Variants in PLCB1 observed in about 807,000 individuals in gnomAD.
PLCB1 encodes 1-phosphatidylinositol 4,5-bisphosphate phosphodiesterase beta-1.
A neutral mutation model predicts 161.8 loss-of-function variants in PLCB1; 46 were observed. That is an observed-to-expected ratio of 0.28 (90% CI 0.22 to 0.36). PLCB1 has a LOEUF of 0.36. Ranked by LOEUF, PLCB1 falls within the 10% of genes least tolerant of loss-of-function variation. PLCB1 has a pLI of 1.00. For synonymous variants in PLCB1, 517 were observed against 503.7 expected (o/e 1.03, Z -0.35); for missense variants, 1,016 against 1,472.5 (o/e 0.69, Z 5.07).
chr20:8,453,095 A>C (rs1415326498), intron 3 of PLCB1, among the ~76,000 whole-genome samples: 1 of 152,160 alleles, frequency 6.6e-6, no homozygotes, highest in African/African-American at 2.4e-5. Context: ...GTGATAACTC[A>C]ACTTTGGAAT....
chr20:8,803,777 TTTTG>T (rs148420606), intron 31 of PLCB1, among the ~76,000 whole-genome samples: 1,945 of 151,128 alleles, frequency 0.013, 28 homozygotes, highest in African/African-American at 0.041. Flanking sequence ...GTTTTGTGTT[TTTTG>T]TTTGTTTGTT....
chr20:8,561,520 C>T (rs1245339252), intron 3 of PLCB1, among the ~76,000 whole-genome samples: 1 of 151,892 alleles, frequency 6.6e-6, no homozygotes, highest in East Asian at 1.9e-4. Context: ...AGCAGAAGTT[C>T]AAGCGTCTCT....
At chr20:8,261,266 A>C (rs2123242420) in intron 2 of PLCB1, among the ~76,000 whole-genome samples, 1 of 151,974 alleles carries the variant, frequency 6.6e-6, no homozygotes, top group Admixed American at 6.6e-5. Flanking sequence ...CATTAAGAGG[A>C]GAGAGAGAGA....
At chr20:8,507,539 G>A (rs550682235) in intron 3 of PLCB1, among the ~76,000 whole-genome samples, 39 of 152,230 alleles carry the variant, frequency 2.6e-4, no homozygotes, top group African/African-American at 8.4e-4. Flanking sequence ...ATTTTAAGGC[G>A]TATGTTTTCT....
chr20:8,662,216 A>ATTAT (rs1361330534), intron 9 of PLCB1, among the ~76,000 whole-genome samples: 451 of 43,320 alleles, frequency 0.01, 9 homozygotes, highest in Non-Finnish European at 0.013. Context: ...ATTATATATA[A>ATTAT]TTATTATATA....
intron 18 of PLCB1, among the ~76,000 whole-genome samples, chr20:8,730,540 C>T (rs1211700161): frequency 6.6e-6 from 1 of 151,668 alleles, no homozygotes; most frequent in African/African-American, 2.4e-5. Context: ...TCCTTTACTA[C>T]TATTAATTTT....
At chr20:8,608,025 A>AT (rs1341176099) in intron 3 of PLCB1, among the ~76,000 whole-genome samples, 2 of 152,060 alleles carry the variant, frequency 1.3e-5, no homozygotes, top group Non-Finnish European at 2.9e-5. Flanking sequence ...TCGTCCAACA[A>AT]TTTTTTTAAT....
intron 3 of PLCB1, among the ~76,000 whole-genome samples, chr20:8,613,148 G>T (rs2123176660): frequency 6.6e-6 from 1 of 152,274 alleles, no homozygotes; most frequent in African/African-American, 2.4e-5. Flanking sequence ...ATGTTGAAAG[G>T]CACCACAAGA....
intron 31 of PLCB1, among the ~76,000 whole-genome samples, chr20:8,794,840 C>T (rs1983938381): frequency 6.6e-6 from 1 of 152,136 alleles, no homozygotes; most frequent in African/African-American, 2.4e-5. Context: ...AATCTTTCAG[C>T]AAAAGAAATT....
At chr20:8,189,853 C>G (rs1039149997) in intron 2 of PLCB1, among the ~76,000 whole-genome samples, 1 of 151,966 alleles carries the variant, frequency 6.6e-6, no homozygotes, top group African/African-American at 2.4e-5. Flanking sequence ...TTAGAAACCT[C>G]AACACTTAAC....
rs541295083 is a variant in PLCB1 at position 8,822,961 on chromosome 20, C to T, written c.3423+32700C>T. On this transcript the variant is annotated intron_variant, in intron 31 of 31. Transcript: ENST00000338037. The stretch of plus-strand genomic sequence containing the variant: ...GGGAAAAAACGGTGTCTGTACTGAA[C>T]GTGTATAGATTTTTGTCCTTGTCGT... Among the ~76,000 whole-genome samples, 8 of 152,220 alleles carry T rather than the reference C, an allele frequency of 5.3e-5. No individual in the cohort carries two copies. The South Asian group carries it at 1.0e-3, about 20-fold the overall frequency.
intron 3 of PLCB1, among the ~76,000 whole-genome samples, chr20:8,457,995 A>G (rs989962996): frequency 1.4e-4 from 21 of 152,226 alleles, no homozygotes; most frequent in African/African-American, 5.1e-4. Context: ...TTTGGCACAG[A>G]CTTAAAGGAA....
chr20:8,371,805 A>G (rs1179427767), intron 3 of PLCB1: 1 of 184,790 alleles, frequency 5.4e-6, no homozygotes, highest in Non-Finnish European at 1.1e-5. Flanking sequence ...ACCGTTAGAC[A>G]TGATGAATAG....
chr20:8,767,149 T>G (rs1982361224), intron 26 of PLCB1, among the ~76,000 whole-genome samples: 1 of 152,120 alleles, frequency 6.6e-6, no homozygotes, highest in Non-Finnish European at 1.5e-5. Context: ...GATCAGTGCA[T>G]CTCAAATTTC....
At chr20:8,315,573 T>C (rs1208999238) in intron 2 of PLCB1, among the ~76,000 whole-genome samples, 1 of 152,182 alleles carries the variant, frequency 6.6e-6, no homozygotes, top group Non-Finnish European at 1.5e-5. Flanking sequence ...CTTGTGTTCT[T>C]GTGTTCTTAG....
At chr20:8,715,067 ACTTATT>A (rs767170908) in intron 12 of PLCB1, among the ~76,000 whole-genome samples, 21 of 152,186 alleles carry the variant, frequency 1.4e-4, no homozygotes, top group Non-Finnish European at 2.5e-4. Context: ...CATCGCTGTT[ACTTATT>A]CTTAGTACAG....
At chr20:8,593,934 G>C (rs574914667) in intron 3 of PLCB1, among the ~76,000 whole-genome samples, 1 of 152,084 alleles carries the variant, frequency 6.6e-6, no homozygotes, top group East Asian at 1.9e-4. Context: ...ACCCAGGCTA[G>C]AATGCAGTGG....
At chr20:8,764,360 C>T (rs1982205049) in intron 25 of PLCB1, among the ~76,000 whole-genome samples, 1 of 152,114 alleles carries the variant, frequency 6.6e-6, no homozygotes, top group Non-Finnish European at 1.5e-5. Flanking sequence ...TGTTGTAGAA[C>T]CTGCACAGTT....
At chr20:8,228,403 A>G (rs1192489391) in intron 2 of PLCB1, among the ~76,000 whole-genome samples, 1 of 151,862 alleles carries the variant, frequency 6.6e-6, no homozygotes, top group African/African-American at 2.4e-5. Context: ...CCATCCACCT[A>G]TCCTTCTGGA....
Sources: gnomAD v4.1 joint callset for allele counts (sites outside exome capture counted in the v4.1 genomes callset) on GRCh38, gnomAD v4.1.1 for gene constraint, MANE v1.5 for transcripts, NCBI Gene and HGNC (gene_info 2026-07-23, HGNC 2026-07-21) for gene names.